The following TMTC1 variants were observed in gnomAD, a reference collection of about 807,000 sequenced individuals.
TMTC1 encodes the protein protein O-mannosyl-transferase TMTC1.
In TMTC1, 73 loss-of-function variants were observed where a neutral mutation model predicts 104.8. The ratio of observed to expected loss-of-function variants is 0.70; its 90% CI spans 0.58 to 0.85. The LOEUF (loss-of-function observed/expected upper bound fraction) is 0.85, where lower values mean the gene tolerates loss of function less well. TMTC1 is among the 40% of genes least tolerant of loss of function. TMTC1 has a pLI of 0.00. For missense variants in TMTC1, 1,035 were observed against 1,096.1 expected, an observed-to-expected ratio of 0.94 and a Z score of 0.79; for synonymous variants, 434 against 428.7, an observed-to-expected ratio of 1.01 and a Z score of -0.15.
intron 7 of TMTC1, among the ~76,000 whole-genome samples, chr12:29,590,990 A>G (rs185423313): frequency 6.6e-6 from 1 of 152,266 alleles, no homozygotes; most frequent in East Asian, 1.9e-4. Context: ...TCCCTGCTAT[A>G]ACCAGAATGA....
At chr12:29,520,104 G>T (rs1011958918) in intron 12 of TMTC1, among the ~76,000 whole-genome samples, 6 of 152,144 alleles carry the variant, frequency 3.9e-5, no homozygotes, top group African/African-American at 1.4e-4. Flanking sequence ...TTTGCATTAA[G>T]TAAGATAAAG....
chr12:29,713,471 T>C (rs1941994133), intron 5 of TMTC1, among the ~76,000 whole-genome samples: 1 of 152,064 alleles, frequency 6.6e-6, no homozygotes, highest in South Asian at 2.1e-4. Flanking sequence ...TTTTGTAACA[T>C]CATGCACTGA....
intron 7 of TMTC1, among the ~76,000 whole-genome samples, chr12:29,584,012 T>C (rs1285495482): frequency 2.6e-5 from 4 of 151,878 alleles, no homozygotes; most frequent in African/African-American, 9.7e-5. Flanking sequence ...GTAGGGAGAG[T>C]GTCTGAAAGC....
chr12:29,662,964 T>C (rs572096939), intron 5 of TMTC1, among the ~76,000 whole-genome samples: 3 of 152,322 alleles, frequency 2.0e-5, no homozygotes, highest in Admixed American at 2.0e-4. Context: ...CTTCCTTAGC[T>C]GCCAACAGAG....
At chr12:29,552,545 T>G (rs541450106) in intron 10 of TMTC1, among the ~76,000 whole-genome samples, 8 of 152,018 alleles carry the variant, frequency 5.3e-5, no homozygotes, top group African/African-American at 1.9e-4. Context: ...GGCAGTAGAG[T>G]GCGGTGGTTA....
At chr12:29,731,433 T>C (rs1322608809) in intron 5 of TMTC1, among the ~76,000 whole-genome samples, 1 of 152,202 alleles carries the variant, frequency 6.6e-6, no homozygotes, top group African/African-American at 2.4e-5. Flanking sequence ...TGGAATTATA[T>C]GCCCACAATG....
intron 5 of TMTC1, among the ~76,000 whole-genome samples, chr12:29,644,404 G>A (rs1824507467): frequency 6.6e-6 from 1 of 151,498 alleles, no homozygotes; most frequent in African/African-American, 2.4e-5. Context: ...CTACAAATAT[G>A]GTGCAGTGTA....
chr12:29,556,430 C>T (rs2136258492), intron 10 of TMTC1, among the ~76,000 whole-genome samples: 1 of 152,294 alleles, frequency 6.6e-6, no homozygotes, highest in South Asian at 2.1e-4. Flanking sequence ...GAATATTTGT[C>T]TTTGGAAATG....
chr12:29,571,227 C>T (rs1945667460), intron 9 of TMTC1, among the ~76,000 whole-genome samples: 1 of 152,012 alleles, frequency 6.6e-6, no homozygotes, highest in African/African-American at 2.4e-5. Context: ...GAGGATTAAC[C>T]TTGCTTTATT....
intron 1 of TMTC1, among the ~76,000 whole-genome samples, chr12:29,775,960 G>A (rs1024279239): frequency 2.6e-5 from 4 of 152,130 alleles, no homozygotes; most frequent in African/African-American, 9.6e-5. Flanking sequence ...AAATTCCAAG[G>A]GATCAGAAGT....
chr12:29,665,697 C>T (rs1214076191), intron 5 of TMTC1, among the ~76,000 whole-genome samples: 1 of 152,174 alleles, frequency 6.6e-6, no homozygotes, highest in African/African-American at 2.4e-5. Context: ...TCTCCTAGGC[C>T]CATCTGTGTA....
At chr12:29,613,900 T>C in intron 6 of TMTC1, 9 of 966,770 alleles carry the variant, frequency 9.3e-6, no homozygotes, top group Non-Finnish European at 1.1e-5. Context: ...ACAAAGCAAG[T>C]CACACTCACC....
intron 5 of TMTC1, among the ~76,000 whole-genome samples, chr12:29,638,780 T>C (rs1938691260): frequency 6.6e-6 from 1 of 152,070 alleles, no homozygotes; most frequent in Non-Finnish European, 1.5e-5. Context: ...CACTCCCCCA[T>C]CACACACCCT....
chr12:29,584,124 C>T lies in TMTC1; in HGVS notation c.1251-550G>A, dbSNP rs139663981. Among the ~76,000 whole-genome samples, 67 of 152,250 alleles carry T rather than the reference C, an allele frequency of 4.4e-4. No homozygotes were observed. In the East Asian group the frequency reaches 0.013, roughly 29 times the overall value. ...CACTTTGGAAAATCTACCCACAGGC[C>T]GACTCCTGAGCCTCACAACTTGGAG... On this transcript the variant is annotated intron_variant, in intron 7 of 17. Transcript: ENST00000539277.
intron 5 of TMTC1, among the ~76,000 whole-genome samples, chr12:29,678,330 T>G (rs1219914989): frequency 6.6e-6 from 1 of 152,224 alleles, no homozygotes; most frequent in Non-Finnish European, 1.5e-5. Context: ...TTCTCTGCTT[T>G]GCTTACAGTT....
At chr12:29,671,702 T>C (rs2136682314) in intron 5 of TMTC1, among the ~76,000 whole-genome samples, 1 of 152,366 alleles carries the variant, frequency 6.6e-6, no homozygotes, top group Non-Finnish European at 1.5e-5. Flanking sequence ...AATGTATGCA[T>C]TCTGGTCCTG....
intron 5 of TMTC1, among the ~76,000 whole-genome samples, chr12:29,749,248 G>C (rs181728800): frequency 7.0e-6 from 1 of 143,054 alleles, no homozygotes; most frequent in East Asian, 2.1e-4. Flanking sequence ...ACACACACAC[G>C]TCTGAAAAGA....
intron 1 of TMTC1, among the ~76,000 whole-genome samples, chr12:29,771,716 G>C (rs1943598685): frequency 3.3e-5 from 5 of 152,112 alleles, no homozygotes. Flanking sequence ...TCCAAAGTGG[G>C]GCAGCAGACA....
At chr12:29,552,761 A>G (rs1945139944) in intron 10 of TMTC1, among the ~76,000 whole-genome samples, 1 of 152,256 alleles carries the variant, frequency 6.6e-6, no homozygotes, top group Admixed American at 6.5e-5. Context: ...ATGAGCATTA[A>G]GTTCCAGGTT....
Sources: allele counts gnomAD v4.1 joint callset (sites outside exome capture counted in the v4.1 genomes callset), GRCh38; gene constraint gnomAD v4.1.1; transcripts MANE v1.5; gene names NCBI Gene and HGNC (gene_info 2026-07-23, HGNC 2026-07-21).